Variants in RPS6KC1 observed in about 807,000 individuals in gnomAD.
RPS6KC1 encodes the protein ribosomal protein S6 kinase C1, also known as inactive ribosomal protein S6 kinase delta-1.
A neutral mutation model predicts 103.8 loss-of-function variants in RPS6KC1; 54 were observed. The ratio of observed to expected loss-of-function variants is 0.52; its 90% confidence interval spans 0.42 to 0.65. The LOEUF (loss-of-function observed/expected upper bound fraction) is 0.65, where lower values mean the gene tolerates loss of function less well. RPS6KC1 is among the 30% of genes least tolerant of loss of function. The probability of loss-of-function intolerance (pLI) is 0.00; values close to 1 mark genes in which losing one functional copy is unlikely to be tolerated. For missense variants in RPS6KC1, 1,151 were observed against 1,253.8 expected (o/e 0.92, Z 1.24); for synonymous variants, 439 against 438.7 (o/e 1.00, Z -0.01).
At chr1:213,691,001 G>A in the RPS6KC1 span, among the ~76,000 whole-genome samples, 1 of 150,704 alleles carries the variant, frequency 6.6e-6, no homozygotes, top group African/African-American at 2.5e-5. Flanking sequence ...AGAACAGCAA[G>A]AGAGAGTGTG....
At chr1:213,634,866 A>C in the RPS6KC1 span, among the ~76,000 whole-genome samples, 8 of 152,074 alleles carry the variant, frequency 5.3e-5, no homozygotes, top group African/African-American at 1.9e-4. Context: ...CAAAATTGAT[A>C]GGCCCCTTGC....
At chr1:213,566,436 AGTTTTTTTTTTTTTTTTTTTTTTTT>A in the RPS6KC1 span, among the ~76,000 whole-genome samples, 1 of 25,760 alleles carries the variant, frequency 3.9e-5, no homozygotes, top group Admixed American at 4.4e-4. Flanking sequence ...CTCAGCCTTT[AGTTTTTTTTTTTTTTTTTTTTTTTT>A]TTTTTTTTTT....
chr1:213,207,962 C>T (rs752990416), intron 8 of RPS6KC1, among the ~76,000 whole-genome samples: 6 of 152,174 alleles, frequency 3.9e-5, no homozygotes, highest in Admixed American at 6.5e-5. Flanking sequence ...CATGAGCCAC[C>T]GTACCCGGTC....
At chr1:213,448,071 A>C in the RPS6KC1 span, among the ~76,000 whole-genome samples, 1 of 151,772 alleles carries the variant, frequency 6.6e-6, no homozygotes, top group Admixed American at 6.6e-5. Flanking sequence ...CCATCTCTAC[A>C]AAAGAAAAAT....
the RPS6KC1 span, among the ~76,000 whole-genome samples, chr1:213,440,226 G>A: frequency 6.6e-6 from 1 of 152,128 alleles, no homozygotes. Flanking sequence ...GCCGCAGCTG[G>A]CAAAAGCACT....
chr1:213,307,352 G>A, the RPS6KC1 span, among the ~76,000 whole-genome samples: 1,703 of 152,078 alleles, frequency 0.011, 35 homozygotes, highest in African/African-American at 0.038. Context: ...CGCCTGGCCA[G>A]GATGCAGGTT....
At chr1:213,639,640 C>T in the RPS6KC1 span, among the ~76,000 whole-genome samples, 16 of 152,024 alleles carry the variant, frequency 1.1e-4, no homozygotes, top group Non-Finnish European at 1.5e-4. Flanking sequence ...AGTGCTTTCC[C>T]GCATCTATGG....
At chr1:213,479,253 G>A in the RPS6KC1 span, among the ~76,000 whole-genome samples, 105 of 152,116 alleles carry the variant, frequency 6.9e-4, 2 homozygotes, top group South Asian at 0.021. Context: ...ACTAGAAGTG[G>A]AATTTCTGAG....
At chr1:213,352,881 G>A in the RPS6KC1 span, among the ~76,000 whole-genome samples, 1 of 152,220 alleles carries the variant, frequency 6.6e-6, no homozygotes, top group Non-Finnish European at 1.5e-5. Flanking sequence ...GCAAGAAGGT[G>A]TGGAAGATAT....
intron 8 of RPS6KC1, among the ~76,000 whole-genome samples, chr1:213,206,706 T>A (rs2148632865): frequency 6.6e-6 from 1 of 152,336 alleles, no homozygotes; most frequent in East Asian, 1.9e-4. Flanking sequence ...TATTTCTGAT[T>A]GGTATTGTTT....
the RPS6KC1 span, among the ~76,000 whole-genome samples, chr1:213,553,711 A>G: frequency 6.6e-6 from 1 of 152,066 alleles, no homozygotes; most frequent in Non-Finnish European, 1.5e-5. Context: ...GATTTTTTTA[A>G]TAATTGCCAT....
At chr1:213,342,743 C>A in the RPS6KC1 span, among the ~76,000 whole-genome samples, 5 of 152,154 alleles carry the variant, frequency 3.3e-5, no homozygotes, top group African/African-American at 1.2e-4. Context: ...AATGAGACAC[C>A]AGACAATCTC....
At chr1:213,647,309 A>T in the RPS6KC1 span, among the ~76,000 whole-genome samples, 1 of 152,150 alleles carries the variant, frequency 6.6e-6, no homozygotes, top group African/African-American at 2.4e-5. Flanking sequence ...TCATGGTTAG[A>T]TAGCCAAATA....
the RPS6KC1 span, among the ~76,000 whole-genome samples, chr1:213,305,808 G>A: frequency 5.3e-5 from 8 of 152,226 alleles, no homozygotes; most frequent in Middle Eastern, 6.8e-3. Flanking sequence ...CCTATGTGCC[G>A]TGCCCTCTCC....
At chr1:213,411,224 G>A in the RPS6KC1 span, among the ~76,000 whole-genome samples, 1 of 152,286 alleles carries the variant, frequency 6.6e-6, no homozygotes, top group East Asian at 1.9e-4. Flanking sequence ...CCAGATTTTA[G>A]AGGCTGAGGA....
intron 6 of RPS6KC1, among the ~76,000 whole-genome samples, chr1:213,137,826 T>TC (rs2086552948): frequency 8.6e-6 from 1 of 116,200 alleles, no homozygotes; most frequent in African/African-American, 3.8e-5. Context: ...TTTTTTTTTT[T>TC]CCTTCCCCCC....
rs144803764 is a variant in RPS6KC1, at chr1:213,145,447, C to A, written c.835+15558C>A. Among the ~76,000 whole-genome samples the A allele has an allele frequency of 5.3e-5, 8 of 152,014 alleles. 1 individual carries two copies. In the Admixed American group the frequency reaches 5.3e-4, roughly 10 times the overall value. On this transcript the variant is annotated intron_variant, in intron 6 of 14. Coordinates refer to ENST00000366960, the MANE Select transcript of RPS6KC1 (RefSeq NM_012424.6). ...GTTGTCTAGAGGAGAGATAATGGTA[C>A]AGAGATTGGTAGTGTCTCCTGGAAT... is the stretch of plus-strand genomic sequence containing the variant.
intron 12 of RPS6KC1, among the ~76,000 whole-genome samples, 160 bp downstream of exon 12, chr1:213,242,818 C>T (rs984779915): frequency 5.9e-5 from 9 of 152,038 alleles, no homozygotes; most frequent in African/African-American, 1.9e-4. Flanking sequence ...GGGGCTAAAC[C>T]AATTAAGTAA....
At chr1:213,196,937 A>G (rs1346538937) in intron 8 of RPS6KC1, among the ~76,000 whole-genome samples, 2 of 152,062 alleles carry the variant, frequency 1.3e-5, no homozygotes, top group Non-Finnish European at 2.9e-5. Flanking sequence ...CCTGGGTTCA[A>G]GCAATTCTTC....
Sources: gnomAD v4.1 joint callset for allele counts (sites outside exome capture counted in the v4.1 genomes callset) on GRCh38, gnomAD v4.1.1 for gene constraint, MANE v1.5 for transcripts, NCBI Gene and HGNC (gene_info 2026-07-23, HGNC 2026-07-21) for gene names.